Variants in PGPEP1L observed in about 807,000 individuals in gnomAD.
The protein encoded by PGPEP1L is pyroglutamyl-peptidase I like, also known as pyroglutamyl-peptidase 1-like protein.
PGPEP1L carries 7 observed loss-of-function variants against 6.0 expected under a neutral mutation model. That is an observed-to-expected ratio of 1.17 (90% confidence interval 0.66 to 2.19). The LOEUF (loss-of-function observed/expected upper bound fraction) is 2.19. PGPEP1L is among the 30% of genes most tolerant of loss of function. PGPEP1L has a pLI of 0.00. For synonymous variants in PGPEP1L, 103 were observed against 83.9 expected (o/e 1.23, Z -1.24); for missense variants, 209 against 192.5 (o/e 1.09, Z -0.51).
In PGPEP1L at chr15:99,005,948, C is replaced by T. The variant is rs183173272; in HGVS notation, c.-369-292G>A. On this transcript the variant is annotated intron_variant, in intron 1 of 4. Transcript: ENST00000535714. ...CTTATTTTTTCCTCTTTAGTAATCC[C>T]TGCCAGAGCCCCTCATTGTGTTTGG... Among the ~76,000 whole-genome samples the T allele has an allele frequency of 2.8e-3, 429 of 152,286 alleles. 2 individuals carry two copies. The highest frequency in any genetic ancestry group is 9.7e-3 in the African/African-American group (403 of 41,548).
chr15:98,969,356 G>T, intron 4 of PGPEP1L, 69 bp downstream of exon 4: 2 of 1,587,448 alleles, frequency 1.3e-6, no homozygotes, highest in Non-Finnish European at 1.7e-6. Context: ...CTTCTTGGAG[G>T]TCGGGGGGAC....
chr15:98,975,368 A>G (rs556562376), intron 2 of PGPEP1L, among the ~76,000 whole-genome samples: 1 of 152,342 alleles, frequency 6.6e-6, no homozygotes, highest in South Asian at 2.1e-4. Context: ...ATTGGATACA[A>G]AAATGCAGTT....
chr15:98,972,961 A>G (rs2017520707), intron 2 of PGPEP1L, among the ~76,000 whole-genome samples: 1 of 151,974 alleles, frequency 6.6e-6, no homozygotes, highest in Admixed American at 6.6e-5. Flanking sequence ...GTTGTCTACA[A>G]GAGACTCACT....
intron 2 of PGPEP1L, among the ~76,000 whole-genome samples, chr15:98,985,532 C>T (rs1451132618): frequency 1.3e-5 from 2 of 152,138 alleles, no homozygotes; most frequent in Non-Finnish European, 2.9e-5. Context: ...AACAAGACTC[C>T]ATCTCAAAAC....
At chr15:98,990,408 G>C (rs1343217212) in intron 2 of PGPEP1L, among the ~76,000 whole-genome samples, 1 of 152,114 alleles carries the variant, frequency 6.6e-6, no homozygotes, top group Non-Finnish European at 1.5e-5. Flanking sequence ...AACAAGAAGA[G>C]CTAACCATCT....
chr15:98,999,700 A>G (rs1452210076), intron 2 of PGPEP1L, among the ~76,000 whole-genome samples: 1 of 152,254 alleles, frequency 6.6e-6, no homozygotes, highest in Non-Finnish European at 1.5e-5. Flanking sequence ...TAACAGTCAA[A>G]CCAATCATGG....
At chr15:99,007,001 C>T (rs1555473743) in intron 1 of PGPEP1L, among the ~76,000 whole-genome samples, 1 of 152,100 alleles carries the variant, frequency 6.6e-6, no homozygotes, top group Non-Finnish European at 1.5e-5. Flanking sequence ...GCTCCATCTG[C>T]TGAATTGTCC....
chr15:98,988,780 C>G (rs1452224739), intron 2 of PGPEP1L, among the ~76,000 whole-genome samples: 3 of 152,172 alleles, frequency 2.0e-5, no homozygotes, highest in African/African-American at 7.2e-5. Context: ...TAGGACGAAG[C>G]TTCAGGCGGC....
At position 98,969,514 on chromosome 15, in the gene PGPEP1L, G is replaced by A. The variant is rs879315741; in HGVS notation, c.120C>T (p.Asp40=). 1.2e-5 allele frequency: 19 copies of A among 1,613,932 alleles called. No individual in the cohort carries two copies. Among genetic ancestry groups the A allele is most frequent in the Middle Eastern group, 1.6e-4 (1 of 6,084 alleles). ...EGGVCLPGSP[D]VLESGVCMKA... is the part of the protein sequence containing the mutation. ...TCATGCAGACCCCTGACTCCAGCAC[G>A]TCTGGGCTGCCAGGTAGGCACACGC... is the stretch of plus-strand genomic sequence containing the variant. Residue 40 remains aspartate, a synonymous_variant, in exon 4 of 5, where the codon GAC becomes GAT. Coordinates refer to ENST00000535714, the MANE Select transcript of PGPEP1L (RefSeq NM_001167902.2).
chr15:99,001,596 T>C (rs1555473038), intron 2 of PGPEP1L, among the ~76,000 whole-genome samples: 1 of 152,244 alleles, frequency 6.6e-6, no homozygotes, highest in Non-Finnish European at 1.5e-5. Context: ...TTTAAAAACT[T>C]TTTATAATGG....
chr15:98,982,447 G>T (rs571070652), intron 2 of PGPEP1L, among the ~76,000 whole-genome samples: 99 of 152,282 alleles, frequency 6.5e-4, no homozygotes, highest in African/African-American at 2.2e-3. Flanking sequence ...TCACCACTTG[G>T]TTACTTCTCT....
intron 2 of PGPEP1L, among the ~76,000 whole-genome samples, chr15:98,992,838 C>A (rs927794942): frequency 6.6e-6 from 1 of 152,160 alleles, no homozygotes; most frequent in African/African-American, 2.4e-5. Flanking sequence ...CAAAAACAAG[C>A]AATGGGGAAA....
intron 2 of PGPEP1L, among the ~76,000 whole-genome samples, chr15:99,000,223 G>A (rs978144653): frequency 6.6e-5 from 10 of 152,354 alleles, no homozygotes; most frequent in African/African-American, 2.2e-4. Flanking sequence ...ACTTCTCGCT[G>A]GGCCTTAGCT....
intron 3 of PGPEP1L, among the ~76,000 whole-genome samples, chr15:98,970,270 C>G (rs989650522): frequency 1.3e-5 from 2 of 152,172 alleles, no homozygotes; most frequent in African/African-American, 4.8e-5. Flanking sequence ...TCTCAAACTC[C>G]TGACCTCAAG....
intron 2 of PGPEP1L, among the ~76,000 whole-genome samples, chr15:99,002,242 C>T (rs939266220): frequency 2.0e-5 from 3 of 152,138 alleles, no homozygotes; most frequent in African/African-American, 4.8e-5. Context: ...GTGATCTGCC[C>T]ATCTCAACCT....
intron 2 of PGPEP1L, among the ~76,000 whole-genome samples, chr15:98,992,363 A>T (rs1347482688): frequency 6.6e-6 from 1 of 152,184 alleles, no homozygotes; most frequent in African/African-American, 2.4e-5. Flanking sequence ...CTACAAAGAG[A>T]ATAAAATACC....
rs183799345 is a variant in PGPEP1L, at chr15:98,987,390, C to T, written c.-141-16232G>A. Among the ~76,000 whole-genome samples the T allele has an allele frequency of 9.2e-5, 14 of 152,118 alleles. No individual in the cohort carries two copies. The East Asian group carries it at 2.7e-3, about 30-fold the overall frequency. On this transcript the variant is annotated intron_variant, in intron 2 of 4. Transcript: ENST00000535714. Reference sequence around the variant, plus strand: ...TTTGGCTCAGCCAATATGATGCACTCACCCTCAACATTCCATCAGGAGCAA... The same window carrying T: ...TTTGGCTCAGCCAATATGATGCACTTACCCTCAACATTCCATCAGGAGCAA...
At chr15:98,998,643 T>C (rs75183467) in intron 2 of PGPEP1L, among the ~76,000 whole-genome samples, 3,037 of 152,232 alleles carry the variant, frequency 0.02, 104 homozygotes, top group African/African-American at 0.069. Context: ...CCTCACCCCT[T>C]ACACAAAACT....
chr15:98,996,195 G>A (rs1306163527), intron 2 of PGPEP1L, among the ~76,000 whole-genome samples: 1 of 152,184 alleles, frequency 6.6e-6, no homozygotes, highest in Non-Finnish European at 1.5e-5. Flanking sequence ...CCTACTCATG[G>A]TAGTTTGCTT....
Sources: allele counts gnomAD v4.1 joint callset (sites outside exome capture counted in the v4.1 genomes callset), GRCh38; gene constraint gnomAD v4.1.1; transcripts MANE v1.5; gene names NCBI Gene and HGNC (gene_info 2026-07-23, HGNC 2026-07-21).